Variants in IFT122 observed in about 807,000 individuals in gnomAD.
IFT122 encodes the protein intraflagellar transport 122.
In IFT122, 118 loss-of-function variants were observed where a neutral mutation model predicts 161.6. The ratio of observed to expected loss-of-function variants is 0.73; its 90% CI spans 0.63 to 0.85. The LOEUF is 0.85. Ranked by LOEUF, IFT122 falls within the 40% of genes least tolerant of loss-of-function variation. The probability of loss-of-function intolerance (pLI) is 0.00; values close to 1 mark genes in which losing one functional copy is unlikely to be tolerated. For missense variants in IFT122, 1,381 were observed against 1,579.6 expected, an observed-to-expected ratio of 0.87 and a Z score of 2.13; for synonymous variants, 550 against 602.4, an observed-to-expected ratio of 0.91 and a Z score of 1.27.
At chr3:129,505,379 TCCCTGTTGGAGCC>T (rs534324933) in intron 21 of IFT122, among the ~76,000 whole-genome samples, 1 of 152,370 alleles carries the variant, frequency 6.6e-6, no homozygotes, top group East Asian at 1.9e-4. Context: ...AACAAATGTC[TCCCTGTTGGAGCC>T]CCTCAACCGA....
intron 18 of IFT122, among the ~76,000 whole-genome samples, chr3:129,497,685 T>C (rs1346067730): frequency 1.3e-5 from 2 of 152,214 alleles, no homozygotes; most frequent in African/African-American, 4.8e-5. Flanking sequence ...GACTTGTTTT[T>C]GGTTTTAGTT....
chr3:129,456,860 G>A lies in IFT122; in HGVS notation c.194-1739G>A, dbSNP rs1211576104. On this transcript the variant is annotated intron_variant, in intron 3 of 29. Transcript: ENST00000348417. ...GAACCCGGGAGTCGGAGGTTGCGGT[G>A]AGCCGAGATCGTGCCACTGCACTAT... Among the ~76,000 whole-genome samples the A allele has an allele frequency of 2.0e-5, 3 of 152,204 alleles. No homozygotes were observed. In the South Asian group the frequency reaches 6.2e-4, roughly 32 times the overall value.
rs772447875 is a variant in IFT122 at position 129,512,395 on chromosome 3, C to T, written c.2970C>T (p.Pro990=). Residue 990 remains proline, a synonymous_variant, in exon 24 of 30, where the codon CCC becomes CCT. Transcript: ENST00000348417. ...FLLHSLPKDT[P]SGISKVKILF... ...TGCACAGCCTGCCCAAGGACACCCCCTCGGGCATCTCTAAAGTGTATCCTT... is the reference window on the plus strand; with the variant it reads ...TGCACAGCCTGCCCAAGGACACCCCTTCGGGCATCTCTAAAGTGTATCCTT... 1.7e-5 allele frequency: 28 copies of T among 1,610,250 alleles called. No individual in the cohort carries two copies. Among genetic ancestry groups the T allele is most frequent in the Middle Eastern group, 1.6e-4 (1 of 6,080 alleles).
intron 5 of IFT122, 183 bp from the exon 6 acceptor site, chr3:129,463,377 C>T (rs932727183): frequency 1.0e-5 from 6 of 577,528 alleles, no homozygotes; most frequent in Admixed American, 8.3e-5. Flanking sequence ...ATAATTTTGT[C>T]ATTCAAGAAT....
At chr3:129,440,552 G>A (rs1291164553) in intron 1 of IFT122, among the ~76,000 whole-genome samples, 181 bp downstream of exon 1, 1 of 152,210 alleles carries the variant, frequency 6.6e-6, no homozygotes, top group Non-Finnish European at 1.5e-5. Context: ...AACTCCCGAG[G>A]GTTGGAGAGC....
chr3:129,504,562 G>A (rs1321565852), intron 21 of IFT122, 141 bp downstream of exon 21: 2 of 750,848 alleles, frequency 2.7e-6, no homozygotes, highest in Non-Finnish European at 4.7e-6. Flanking sequence ...ATTGTTTGGT[G>A]GTGAAAGACT....
chr3:129,487,985 C>G (rs1391644485), intron 15 of IFT122: 1 of 523,598 alleles, frequency 1.9e-6, no homozygotes, highest in Non-Finnish European at 3.5e-6. Flanking sequence ...GGGTGACATC[C>G]TATGGCGAGG....
intron 16 of IFT122, among the ~76,000 whole-genome samples, chr3:129,490,030 A>T (rs986459997): frequency 6.6e-6 from 1 of 151,748 alleles, no homozygotes; most frequent in Non-Finnish European, 1.5e-5. Flanking sequence ...ATATTTTTAT[A>T]TATTTGTTTA....
chr3:129,504,891 A>G (rs766305132), intron 21 of IFT122, among the ~76,000 whole-genome samples: 32 of 147,652 alleles, frequency 2.2e-4, no homozygotes, highest in Non-Finnish European at 4.6e-4. Context: ...GAGGATTGCC[A>G]CACAGTGTGA....
rs1064796598 is a variant in IFT122 at position 129,476,721 on chromosome 3, A to C, written c.1067A>C (p.His356Pro). The C allele has an allele frequency of 3.7e-6, 6 of 1,614,076 alleles. No individual in the cohort carries two copies. Among genetic ancestry groups the C allele is most frequent in the Non-Finnish European group, 5.1e-6 (6 of 1,180,052 alleles). Residue 356 changes from histidine (H) to proline (P), a missense_variant, in exon 11 of 30, where the codon CAT becomes CCT. By Grantham distance (77) the His-to-Pro change is moderately conservative (BLOSUM62 -2). Around this residue, in one of 7 missense-constraint regions of IFT122, gnomAD observed 544 missense variants for 648.0 expected, o/e 0.84. Coordinates refer to ENST00000348417, the MANE Select transcript of IFT122 (RefSeq NM_052989.3). ...TACCAGCTTATTTTCAGCACAGTCC[A>C]TGGGCTTTACAAGGACCGCTATGCC... Reference protein sequence around the residue: ...SFYQLIFSTVHGLYKDRYAYR... With the variant: ...SFYQLIFSTVPGLYKDRYAYR...
chr3:129,464,920 ATT>A, intron 7 of IFT122, 139 bp downstream of exon 7: 2 of 877,886 alleles, frequency 2.3e-6, no homozygotes, highest in Non-Finnish European at 3.5e-6. Flanking sequence ...ATTTGTATGG[ATT>A]TTTTTTTTAA....
chr3:129,489,369 C>T lies in IFT122; in HGVS notation c.1992+972C>T, dbSNP rs562677161. ...TTCTGAAATGGGGGTGGTGAGAATG[C>T]CCGCTGCAGTCATGAGGCTTAACTG... On this transcript the variant is annotated intron_variant, in intron 16 of 29. Coordinates refer to ENST00000348417, the MANE Select transcript of IFT122 (RefSeq NM_052989.3). Among the ~76,000 whole-genome samples the T allele has an allele frequency of 4.6e-5, 7 of 152,232 alleles. No homozygotes were observed. In the South Asian group the frequency reaches 1.4e-3, roughly 32 times the overall value.
rs1049568059 is a variant in IFT122, at chr3:129,444,528, CTT to C, written c.41+4168_41+4169del. Among the ~76,000 whole-genome samples the C allele has an allele frequency of 4.1e-5, 6 of 147,082 alleles. No homozygotes were observed. The South Asian group carries it at 6.4e-4, about 16-fold the overall frequency. On this transcript the variant is annotated intron_variant, in intron 1 of 29. Coordinates refer to ENST00000348417, the MANE Select transcript of IFT122 (RefSeq NM_052989.3). ...AAATAAGATAATGTAAGTTTACACT[CTT>C]TTTTTTTTTTGAGACAGAGTCTCGC...
chr3:129,493,963 C>T (rs139515203), intron 17 of IFT122, among the ~76,000 whole-genome samples: 5 of 152,238 alleles, frequency 3.3e-5, no homozygotes, highest in South Asian at 4.1e-4. Context: ...TGCTCTATAT[C>T]GACTGCCTGC....
intron 18 of IFT122, 32 bp downstream of exon 18, chr3:129,495,639 G>T (rs2080745764): frequency 6.2e-7 from 1 of 1,613,348 alleles, no homozygotes. Flanking sequence ...CCAAGCTCCA[G>T]CTTGGAGCCC....
chr3:129,504,339 G>A lies in IFT122; in HGVS notation c.2568G>A (p.Lys856=), dbSNP rs2081965844. ...CCCAGGCCTTTGCTTTGGGTGAGAAGCATCCTGAGTTTAAGGATGACATCT... is the reference window on the plus strand; with the variant it reads ...CCCAGGCCTTTGCTTTGGGTGAGAAACATCCTGAGTTTAAGGATGACATCT... ...RWDEAFALGE[K]HPEFKDDIYM... The change falls in exon 21 of 30, where the codon AAG becomes AAA. Residue 856 remains lysine (K), a synonymous_variant. Transcript: ENST00000348417. 6 of 1,613,962 alleles carry A rather than the reference G, an allele frequency of 3.7e-6. No homozygotes were observed. Among genetic ancestry groups the A allele is most frequent in the Non-Finnish European group, 1.7e-6 (2 of 1,179,886 alleles).
At chr3:129,491,449 C>T in intron 16 of IFT122, among the ~76,000 whole-genome samples, 1 of 152,210 alleles carries the variant, frequency 6.6e-6, no homozygotes, top group East Asian at 1.9e-4. Context: ...TAACACCAGT[C>T]TGCTTGTTCC....
chr3:129,504,845 G>A (rs961653400), intron 21 of IFT122, among the ~76,000 whole-genome samples: 1 of 152,180 alleles, frequency 6.6e-6, no homozygotes, highest in African/African-American at 2.4e-5. Context: ...GTGGCAGGGA[G>A]GTAATGTGAG....
At chr3:129,509,305 T>C (rs1043003938) in intron 23 of IFT122, among the ~76,000 whole-genome samples, 18 of 151,534 alleles carry the variant, frequency 1.2e-4, no homozygotes, top group Non-Finnish European at 1.9e-4. Context: ...ATGGTTGACA[T>C]TGAGTTCTTC....
Sources: gnomAD v4.1 joint callset for allele counts (sites outside exome capture counted in the v4.1 genomes callset) on GRCh38, gnomAD v4.1.1 for gene constraint, gnomAD v4.1.1 regional missense constraint, MANE v1.5 for transcripts, NCBI Gene and HGNC (gene_info 2026-07-23, HGNC 2026-07-21) for gene names.